The following CHD2 variants were observed in gnomAD, a reference collection of about 807,000 sequenced individuals.
The protein encoded by CHD2 is chromodomain helicase DNA binding protein 2.
Under a neutral mutation model 243.9 loss-of-function variants are expected in CHD2, and 28 were observed. The observed-to-expected ratio is 0.11, with a 90% CI of 0.09 to 0.16. The LOEUF is 0.16. Ranked by LOEUF, CHD2 falls within the 10% of genes least tolerant of loss-of-function variation. The probability of loss-of-function intolerance (pLI) is 1.00; values close to 1 mark genes in which losing one functional copy is unlikely to be tolerated. For missense variants in CHD2, 1,386 were observed against 2,209.8 expected (o/e 0.63, Z 7.47); for synonymous variants, 775 against 779.0 (o/e 0.99, Z 0.09).
rs2053286917 is a variant in CHD2, at chr15:92,937,594, A to G, written c.520A>G (p.Lys174Glu). 1 of 1,613,794 alleles carries G rather than the reference A, an allele frequency of 6.2e-7. No homozygotes were observed. Among genetic ancestry groups the G allele is most frequent in the South Asian group, 1.1e-5 (1 of 91,010 alleles). The change falls in exon 6 of 39, where the codon AAA (lysine) becomes GAA (glutamate). Residue 174 changes from lysine to glutamate, a missense_variant. By Grantham distance (56) the Lys-to-Glu change is moderately conservative. Around this residue, in one of 19 missense-constraint regions of CHD2, gnomAD observed 90 missense variants for 78.0 expected, o/e 1.15. Coordinates refer to ENST00000394196, the MANE Select transcript of CHD2 (RefSeq NM_001271.4). ...TGCAGAGAGTGAGCCAGAACAAAAA[A>G]AAGTAAAAGCCAGAAGACCTGTCCC... Reference protein sequence around the residue: ...TSAESEPEQKKVKARRPVPRR... With the variant: ...TSAESEPEQKEVKARRPVPRR...
In CHD2 at chr15:93,004,467, A is replaced by C. The variant is rs567107732; in HGVS notation, c.4279-150A>C. On this transcript the variant is annotated intron_variant, in intron 33 of 38. Coordinates refer to ENST00000394196, the MANE Select transcript of CHD2 (RefSeq NM_001271.4). ...CTGCTAATCAGACAGGTTTGTCTTC[A>C]TGATGTTTCAGGATTTTATTTTACT... The C allele has an allele frequency of 2.3e-5, 15 of 651,392 alleles. No individual in the cohort carries two copies. In the South Asian group the frequency reaches 4.5e-4, roughly 19 times the overall value. 40.4% of individuals were successfully genotyped at this position (651,392 alleles called of 1,614,324 possible). A position where few individuals can be genotyped will look rare whatever the true frequency, so the allele number is the denominator to read the frequency against.
At chr15:93,014,954 A>G in intron 37 of CHD2, 45 bp downstream of exon 37, 1 of 1,507,102 alleles carries the variant, frequency 6.6e-7, no homozygotes, top group South Asian at 1.1e-5. Context: ...CAAAAGATAA[A>G]AAATTCACAC....
At position 93,014,801 on chromosome 15, in the gene CHD2, A is replaced by C. The variant is rs1244306200; in HGVS notation, c.4798A>C (p.Asn1600His). Residue 1600 changes from asparagine to histidine, a missense_variant, in exon 37 of 39, where the codon AAC becomes CAC. By Grantham distance (68) the Asn-to-His change is moderately conservative (BLOSUM62 1). Around this residue, in one of 19 missense-constraint regions of CHD2, gnomAD observed 347 missense variants for 341.6 expected, o/e 1.02. Coordinates refer to ENST00000394196, the MANE Select transcript of CHD2 (RefSeq NM_001271.4). ...GATATCTCAGTCCCATACCTCACAC[A>C]ACCTTCACCCTCAGAAGCCTCATTT... ...SLISQSHTSH[N>H]LHPQKPHLPA... The C allele has an allele frequency of 6.2e-7, 1 of 1,614,042 alleles. No homozygotes were observed. The highest frequency in any genetic ancestry group is 8.5e-7 in the Non-Finnish European group (1 of 1,180,022).
chr15:92,919,874 C>T (rs2052921587), intron 2 of CHD2, among the ~76,000 whole-genome samples: 1 of 152,152 alleles, frequency 6.6e-6, no homozygotes, highest in African/African-American at 2.4e-5. Context: ...TATTAAGCTT[C>T]ACTACTAAGT....
chr15:92,914,874 A>G (rs1246226308), intron 2 of CHD2: 1 of 152,228 alleles, frequency 6.6e-6, no homozygotes, highest in African/African-American at 2.4e-5. Context: ...AAAACAACAT[A>G]GTACAAAAAT....
intron 13 of CHD2, among the ~76,000 whole-genome samples, chr15:92,953,146 C>A (rs2053576134): frequency 6.6e-6 from 1 of 152,134 alleles, no homozygotes; most frequent in South Asian, 2.1e-4. Context: ...TCTAGGTAGG[C>A]CACTTGTTAT....
chr15:92,908,537 T>G (rs1029990856), intron 2 of CHD2, among the ~76,000 whole-genome samples: 9 of 152,192 alleles, frequency 5.9e-5, no homozygotes, highest in African/African-American at 2.2e-4. Flanking sequence ...AGGATCTAGT[T>G]AATTTTTAAA....
intron 2 of CHD2, chr15:92,901,594 C>CA (rs2052529684): frequency 4.5e-6 from 2 of 440,110 alleles, no homozygotes; most frequent in Admixed American, 8.3e-5. Context: ...CAGTAAATTT[C>CA]AGTTTTTAGG....
rs1295864686 is a variant in CHD2, at chr15:92,970,940, A to G, written c.2190-825A>G. On this transcript the variant is annotated intron_variant, in intron 17 of 38. Transcript: ENST00000394196. The stretch of plus-strand genomic sequence containing the variant: ...TTGTGGTTAAGGAATATACATGGGT[A>G]TACATGAATATATCTGTATTTCTCC... Among the ~76,000 whole-genome samples, 12 of 152,252 alleles carry G rather than the reference A, an allele frequency of 7.9e-5. No individual in the cohort carries two copies. In the East Asian group the frequency reaches 2.1e-3, roughly 27 times the overall value.
chr15:92,982,927 A>G (rs990093561), intron 24 of CHD2, among the ~76,000 whole-genome samples: 5 of 152,172 alleles, frequency 3.3e-5, no homozygotes, highest in Non-Finnish European at 7.4e-5. Flanking sequence ...TTTATAAACA[A>G]TAGAAATGTA....
At chr15:92,913,471 T>C (rs935548461) in intron 2 of CHD2, among the ~76,000 whole-genome samples, 3 of 152,118 alleles carry the variant, frequency 2.0e-5, no homozygotes, top group African/African-American at 7.2e-5. Context: ...TGGCCTCTAG[T>C]GGGTAGAGGC....
At chr15:92,937,646 C>G in intron 6 of CHD2, 21 bp downstream of exon 6, 1 of 1,565,840 alleles carries the variant, frequency 6.4e-7, no homozygotes, top group Non-Finnish European at 8.8e-7. Flanking sequence ...TGCTTAAGAT[C>G]TCTACTTGGG....
chr15:92,984,658 A>G (rs1251803072), intron 25 of CHD2, among the ~76,000 whole-genome samples, 158 bp downstream of exon 25: 1 of 152,198 alleles, frequency 6.6e-6, no homozygotes, highest in Admixed American at 6.5e-5. Flanking sequence ...GAAAGTGGAG[A>G]AATCTGCAGA....
chr15:92,915,625 T>C (rs1023284494), intron 2 of CHD2, among the ~76,000 whole-genome samples: 7 of 152,254 alleles, frequency 4.6e-5, no homozygotes, highest in African/African-American at 1.7e-4. Context: ...TTTTATGATT[T>C]TGGCATATAA....
intron 33 of CHD2, among the ~76,000 whole-genome samples, chr15:93,004,188 T>G (rs2054292146): frequency 1.3e-5 from 2 of 151,640 alleles, no homozygotes; most frequent in African/African-American, 4.9e-5. Flanking sequence ...TTTCCTTCAA[T>G]GTAATTGAGA....
chr15:92,995,275 G>C (rs1308907803), intron 28 of CHD2, among the ~76,000 whole-genome samples: 1 of 151,990 alleles, frequency 6.6e-6, no homozygotes, highest in Non-Finnish European at 1.5e-5. Flanking sequence ...TCAGTACTTA[G>C]GGACTGCTTT....
chr15:92,991,610 T>C (rs1161762009), intron 27 of CHD2, 93 bp downstream of exon 27: 2 of 827,826 alleles, frequency 2.4e-6, no homozygotes, highest in Non-Finnish European at 1.9e-6. Flanking sequence ...TTAATACTAA[T>C]GCTGGGAACA....
intron 5 of CHD2, among the ~76,000 whole-genome samples, chr15:92,930,071 T>G (rs1487416555): frequency 6.6e-6 from 1 of 152,232 alleles, no homozygotes; most frequent in Non-Finnish European, 1.5e-5. Context: ...CATTTGTGTT[T>G]TGGAGAAATA....
intron 20 of CHD2, 100 bp downstream of exon 20, chr15:92,975,050 T>C: frequency 1.1e-6 from 1 of 934,392 alleles, no homozygotes; most frequent in East Asian, 2.6e-5. Context: ...CAATTTATAG[T>C]GCAATTCTTT....
Sources: allele counts gnomAD v4.1 joint callset (sites outside exome capture counted in the v4.1 genomes callset), GRCh38; gene constraint gnomAD v4.1.1; regional missense constraint gnomAD v4.1.1; transcripts MANE v1.5; gene names NCBI Gene and HGNC (gene_info 2026-07-23, HGNC 2026-07-21).